PTPRT: variants seen among roughly 807,000 people sequenced by gnomAD.
PTPRT encodes receptor-type tyrosine-protein phosphatase T.
In PTPRT, 56 loss-of-function variants were observed where a neutral mutation model predicts 176.8. That is an observed-to-expected ratio of 0.32 (90% CI 0.26 to 0.40). The LOEUF (loss-of-function observed/expected upper bound fraction) is 0.40, where lower values mean the gene tolerates loss of function less well. Ranked by LOEUF, PTPRT falls within the 10% of genes least tolerant of loss-of-function variation. The probability of loss-of-function intolerance (pLI) is 1.00; values close to 1 mark genes in which losing one functional copy is unlikely to be tolerated. For synonymous variants in PTPRT, 783 were observed against 739.0 expected (o/e 1.06, Z -0.96); for missense variants, 1,540 against 1,908.2 (o/e 0.81, Z 3.60).
At chr20:42,845,830 G>C (rs918589040) in intron 2 of PTPRT, among the ~76,000 whole-genome samples, 2 of 152,208 alleles carry the variant, frequency 1.3e-5, no homozygotes, top group Non-Finnish European at 2.9e-5. Context: ...TGGCAGAGAA[G>C]AACTGGGCAG....
intron 14 of PTPRT, among the ~76,000 whole-genome samples, chr20:42,236,869 C>T (rs1245459625): frequency 2.0e-5 from 3 of 152,044 alleles, no homozygotes; most frequent in Non-Finnish European, 4.4e-5. Flanking sequence ...ACTGCCCTCC[C>T]ACAGAGTCAG....
chr20:42,892,054 A>C (rs568361406), intron 1 of PTPRT, among the ~76,000 whole-genome samples: 2 of 152,372 alleles, frequency 1.3e-5, no homozygotes, highest in South Asian at 4.1e-4. Context: ...CCCAGGGGCT[A>C]TAGTTTGCCA....
intron 9 of PTPRT, among the ~76,000 whole-genome samples, chr20:42,393,216 C>G (rs1388069038): frequency 6.6e-6 from 1 of 152,216 alleles, no homozygotes. Flanking sequence ...CCTCCTACTT[C>G]TGCTGTCTAC....
At chr20:42,586,428 T>C (rs1883408678) in intron 7 of PTPRT, among the ~76,000 whole-genome samples, 1 of 152,170 alleles carries the variant, frequency 6.6e-6, no homozygotes, top group Non-Finnish European at 1.5e-5. Context: ...ACAAAGTACA[T>C]TTCTACCCCT....
At chr20:43,006,997 A>G (rs1293038515) in intron 1 of PTPRT, among the ~76,000 whole-genome samples, 1 of 152,238 alleles carries the variant, frequency 6.6e-6, no homozygotes, top group Non-Finnish European at 1.5e-5. Flanking sequence ...CCACCTTCAT[A>G]CATCAGCATG....
chr20:42,296,450 A>G (rs1447151464), intron 12 of PTPRT, among the ~76,000 whole-genome samples: 1 of 151,858 alleles, frequency 6.6e-6, no homozygotes, highest in East Asian at 1.9e-4. Context: ...TGTCTCAAAA[A>G]AAAAAAAAAA....
At chr20:43,172,346 C>T (rs1229169450) in intron 1 of PTPRT, among the ~76,000 whole-genome samples, 1 of 152,184 alleles carries the variant, frequency 6.6e-6, no homozygotes, top group Non-Finnish European at 1.5e-5. Context: ...TTTTGCTACA[C>T]AAATACAAAT....
chr20:42,277,209 G>C (rs951714580), intron 13 of PTPRT, among the ~76,000 whole-genome samples: 3 of 152,100 alleles, frequency 2.0e-5, no homozygotes, highest in Non-Finnish European at 4.4e-5. Context: ...GTTTTAATGG[G>C]ATCGTTAGAG....
intron 6 of PTPRT, among the ~76,000 whole-genome samples, chr20:42,706,175 CTGTTTG>C (rs764620215): frequency 1.2e-4 from 13 of 109,280 alleles, no homozygotes; most frequent in Admixed American, 1.7e-4. Flanking sequence ...CTCTCTCTCT[CTGTTTG>C]TGTGTGTGTG....
chr20:42,270,547 C>CA, intron 13 of PTPRT: 1 of 1,102,240 alleles, frequency 9.1e-7, no homozygotes, highest in South Asian at 1.4e-5. Flanking sequence ...AACAAAACTG[C>CA]AATTCTTGTG....
At chr20:42,997,808 A>G (rs1984307760) in intron 1 of PTPRT, among the ~76,000 whole-genome samples, 1 of 152,168 alleles carries the variant, frequency 6.6e-6, no homozygotes, top group Admixed American at 6.5e-5. Flanking sequence ...CACAGCTAAT[A>G]AAGGTCATGA....
intron 1 of PTPRT, among the ~76,000 whole-genome samples, chr20:43,011,466 C>T (rs991822184): frequency 6.6e-6 from 1 of 152,182 alleles, no homozygotes; most frequent in Admixed American, 6.5e-5. Flanking sequence ...CCTTCTGCAG[C>T]CATCATGCTC....
chr20:42,971,787 C>A (rs1043282876), intron 1 of PTPRT, among the ~76,000 whole-genome samples: 2 of 152,064 alleles, frequency 1.3e-5, no homozygotes, highest in African/African-American at 2.4e-5. Flanking sequence ...ACAAAAGAAC[C>A]ATATGGGCTA....
At chr20:42,831,763 A>G (rs568562882) in intron 2 of PTPRT, among the ~76,000 whole-genome samples, 5 of 152,366 alleles carry the variant, frequency 3.3e-5, no homozygotes, top group African/African-American at 1.2e-4. Context: ...TCCAACAAGC[A>G]CATGAAGAAA....
chr20:42,920,878 G>C (rs930477006), intron 1 of PTPRT, among the ~76,000 whole-genome samples: 1 of 152,172 alleles, frequency 6.6e-6, no homozygotes, highest in African/African-American at 2.4e-5. Flanking sequence ...GGATTTAAGA[G>C]TGCTTGTGTT....
chr20:42,335,520 G>A (rs1292509059), intron 11 of PTPRT, among the ~76,000 whole-genome samples: 1 of 152,054 alleles, frequency 6.6e-6, no homozygotes, highest in Non-Finnish European at 1.5e-5. Context: ...ATCATATCCT[G>A]AGATGTTTGA....
intron 18 of PTPRT, among the ~76,000 whole-genome samples, chr20:42,140,934 A>C (rs1988593362): frequency 6.6e-6 from 1 of 152,124 alleles, no homozygotes; most frequent in Non-Finnish European, 1.5e-5. Context: ...CATCATTGTA[A>C]AGGGGAGGAA....
At chr20:42,664,166 C>G (rs1385017775) in intron 7 of PTPRT, among the ~76,000 whole-genome samples, 1 of 152,140 alleles carries the variant, frequency 6.6e-6, no homozygotes, top group South Asian at 2.1e-4. Context: ...TTTTAATACG[C>G]TTTTTGCTAT....
intron 16 of PTPRT, among the ~76,000 whole-genome samples, chr20:42,166,628 A>C (rs1405608494): frequency 2.0e-5 from 3 of 152,184 alleles, no homozygotes; most frequent in African/African-American, 7.2e-5. Context: ...CTATTTGAGA[A>C]GAAGTCGGGG....
Sources: allele counts gnomAD v4.1 joint callset (sites outside exome capture counted in the v4.1 genomes callset), GRCh38; gene constraint gnomAD v4.1.1; transcripts MANE v1.5; gene names NCBI Gene and HGNC (gene_info 2026-07-23, HGNC 2026-07-21).